The following CFDP1 variants were observed in gnomAD, a reference collection of about 807,000 sequenced individuals.
CFDP1 encodes chromatin remodeling protein CFDP1, also known as heterochromatin-stabilizing protein CFDP1.
In CFDP1, 31 loss-of-function variants were observed where a neutral mutation model predicts 40.1. The observed-to-expected ratio is 0.77, with a 90% CI of 0.58 to 1.04. The LOEUF is 1.04. CFDP1 is among the 50% of genes least tolerant of loss of function. The probability of loss-of-function intolerance (pLI) is 0.00; values close to 1 mark genes in which losing one functional copy is unlikely to be tolerated. For missense variants in CFDP1, 423 were observed against 343.4 expected (o/e 1.23, Z -1.83); for synonymous variants, 167 against 120.0 (o/e 1.39, Z -2.56).
rs372833043 is a variant in CFDP1, at chr16:75,333,893, G to A, written c.651-28711C>T. Among the ~76,000 whole-genome samples the A allele has an allele frequency of 1.3e-4, 20 of 152,258 alleles. No individual in the cohort carries two copies. The South Asian group carries it at 3.1e-3, about 24-fold the overall frequency. ...TACTTTTTTTGCTCTCTCCACAAGC[G>A]ATTCAAAAATAAGGAAGGAAGTTAT... On this transcript the variant is annotated intron_variant, in intron 5 of 6. Coordinates refer to ENST00000283882, the MANE Select transcript of CFDP1 (RefSeq NM_006324.3).
At chr16:75,410,543 G>T (rs963087039) in intron 4 of CFDP1, among the ~76,000 whole-genome samples, 4 of 152,106 alleles carry the variant, frequency 2.6e-5, no homozygotes, top group African/African-American at 9.7e-5. Flanking sequence ...TGAGGCCAAG[G>T]CAGGCGGATC....
intron 4 of CFDP1, among the ~76,000 whole-genome samples, chr16:75,400,944 T>C (rs918288653): frequency 1.3e-5 from 2 of 152,124 alleles, no homozygotes; most frequent in Non-Finnish European, 2.9e-5. Context: ...GAAAATGTCC[T>C]AGAAGTGAAG....
chr16:75,368,882 GT>G (rs994743777), intron 5 of CFDP1, among the ~76,000 whole-genome samples: 59 of 149,956 alleles, frequency 3.9e-4, no homozygotes, highest in African/African-American at 1.3e-3. Flanking sequence ...TTGTTTGTTT[GT>G]TTTTTTTTAA....
chr16:75,314,415 T>G (rs930499352), intron 5 of CFDP1, among the ~76,000 whole-genome samples: 2 of 152,018 alleles, frequency 1.3e-5, no homozygotes, highest in Non-Finnish European at 2.9e-5. Flanking sequence ...ATGTCCAGAA[T>G]AGACAAACCT....
At chr16:75,324,347 C>T (rs1455646251) in intron 5 of CFDP1, among the ~76,000 whole-genome samples, 1 of 152,220 alleles carries the variant, frequency 6.6e-6, no homozygotes, top group South Asian at 2.1e-4. Context: ...TAGCATAATG[C>T]CTGGTGCACA....
At chr16:75,401,097 C>A (rs1403350697) in intron 4 of CFDP1, among the ~76,000 whole-genome samples, 1 of 152,010 alleles carries the variant, frequency 6.6e-6, no homozygotes, top group Non-Finnish European at 1.5e-5. Flanking sequence ...AGTTCCAGAC[C>A]AGCCTGGCAA....
chr16:75,407,173 C>A (rs908753283), intron 4 of CFDP1, among the ~76,000 whole-genome samples: 1 of 152,186 alleles, frequency 6.6e-6, no homozygotes, highest in African/African-American at 2.4e-5. Context: ...CACAACCACA[C>A]TCCAACCCGA....
At chr16:75,357,677 G>A (rs2078653714) in intron 5 of CFDP1, among the ~76,000 whole-genome samples, 1 of 152,178 alleles carries the variant, frequency 6.6e-6, no homozygotes, top group Non-Finnish European at 1.5e-5. Context: ...CTCTGGATTA[G>A]GCTTTGGCTT....
chr16:75,399,361 G>C (rs2079028269), intron 4 of CFDP1, among the ~76,000 whole-genome samples: 1 of 152,102 alleles, frequency 6.6e-6, no homozygotes, highest in African/African-American at 2.4e-5. Context: ...GTAGAATCTG[G>C]GGCAGACCAG....
chr16:75,329,147 G>A (rs762497172), intron 5 of CFDP1, among the ~76,000 whole-genome samples: 49 of 151,416 alleles, frequency 3.2e-4, no homozygotes, highest in Admixed American at 7.2e-4. Flanking sequence ...CACTGTGCCC[G>A]GCCAACTTTT....
intron 5 of CFDP1, among the ~76,000 whole-genome samples, chr16:75,307,821 AAG>A (rs2078268869): frequency 6.6e-6 from 1 of 152,110 alleles, no homozygotes; most frequent in African/African-American, 2.4e-5. Flanking sequence ...TGGCCTCCCG[AAG>A]TACTGGGATT....
intron 5 of CFDP1, among the ~76,000 whole-genome samples, chr16:75,376,416 C>A (rs1225969504): frequency 6.6e-6 from 1 of 152,182 alleles, no homozygotes; most frequent in African/African-American, 2.4e-5. Flanking sequence ...CAATGAACCA[C>A]TGATATACAC....
At chr16:75,315,619 C>G (rs902148611) in intron 5 of CFDP1, among the ~76,000 whole-genome samples, 10 of 152,034 alleles carry the variant, frequency 6.6e-5, no homozygotes, top group Admixed American at 5.9e-4. Context: ...AAAACAGAAC[C>G]ACTATTTATC....
At chr16:75,332,564 G>A (rs1301685065) in intron 5 of CFDP1, among the ~76,000 whole-genome samples, 1 of 151,878 alleles carries the variant, frequency 6.6e-6, no homozygotes, top group Non-Finnish European at 1.5e-5. Flanking sequence ...CTACTTGGGA[G>A]GCTGAAGTGG....
At chr16:75,347,105 G>A (rs1340663832) in intron 5 of CFDP1, among the ~76,000 whole-genome samples, 3 of 151,970 alleles carry the variant, frequency 2.0e-5, no homozygotes, top group Non-Finnish European at 4.4e-5. Flanking sequence ...CAGCACTTTG[G>A]GAGGCTGAGG....
chr16:75,390,207 C>T (rs2078935490), intron 5 of CFDP1, among the ~76,000 whole-genome samples: 1 of 152,180 alleles, frequency 6.6e-6, no homozygotes, highest in South Asian at 2.1e-4. Flanking sequence ...TCCCTCTATA[C>T]CCTTTCCCAC....
At chr16:75,297,523 A>G (rs1248599527) in intron 6 of CFDP1, among the ~76,000 whole-genome samples, 2 of 152,152 alleles carry the variant, frequency 1.3e-5, no homozygotes, top group Non-Finnish European at 2.9e-5. Flanking sequence ...CCACCTGAGG[A>G]CAAGTGCAAT....
intron 5 of CFDP1, among the ~76,000 whole-genome samples, chr16:75,367,674 T>A (rs1215526592): frequency 6.7e-6 from 1 of 149,622 alleles, no homozygotes; most frequent in African/African-American, 2.5e-5. Flanking sequence ...GAGCCTGAAA[T>A]CCCAGCTACT....
intron 5 of CFDP1, among the ~76,000 whole-genome samples, chr16:75,315,481 A>C (rs1249491003): frequency 6.6e-6 from 1 of 151,914 alleles, no homozygotes; most frequent in Admixed American, 6.6e-5. Context: ...TTGTAACCTT[A>C]AGGTGGTAAC....
Sources: gnomAD v4.1 joint callset for allele counts (sites outside exome capture counted in the v4.1 genomes callset) on GRCh38, gnomAD v4.1.1 for gene constraint, MANE v1.5 for transcripts, NCBI Gene and HGNC (gene_info 2026-07-23, HGNC 2026-07-21) for gene names.